Variants in BANF2 observed in about 807,000 individuals in gnomAD.
The protein encoded by BANF2 is barrier-to-autointegration factor-like protein.
Under a neutral mutation model 8.0 loss-of-function variants are expected in BANF2, and 4 were observed. The ratio of observed to expected loss-of-function variants is 0.50; its 90% confidence interval spans 0.25 to 1.14. The LOEUF is 1.14. Ranked by LOEUF, BANF2 falls within the 50% of genes most tolerant of loss-of-function variation. BANF2 has a pLI of 0.16. For missense variants in BANF2, 96 were observed against 107.5 expected (o/e 0.89, Z 0.47); for synonymous variants, 50 against 40.6 (o/e 1.23, Z -0.88).
chr20:17,725,875 G>C (rs965886861), intron 3 of BANF2, among the ~76,000 whole-genome samples: 4 of 152,142 alleles, frequency 2.6e-5, no homozygotes, highest in Non-Finnish European at 5.9e-5. Flanking sequence ...TCTACCAGGC[G>C]GGACAGTGTT....
intron 1 of BANF2, among the ~76,000 whole-genome samples, chr20:17,718,440 G>T (rs954654678): frequency 6.6e-6 from 1 of 152,162 alleles, no homozygotes; most frequent in Non-Finnish European, 1.5e-5. Flanking sequence ...CTCCCGAAGC[G>T]CTGGGATTAC....
At chr20:17,693,807 G>C in intron 1 of BANF2, 2 of 1,325,460 alleles carry the variant, frequency 1.5e-6, no homozygotes, top group Non-Finnish European at 2.1e-6. Context: ...GTGTCCAGTG[G>C]GAGGAGGTGC....
chr20:17,724,998 T>C (rs777355082), intron 2 of BANF2, 25 bp from the exon 3 acceptor site: 6 of 1,598,124 alleles, frequency 3.8e-6, no homozygotes, highest in African/African-American at 1.3e-5. Context: ...CTGCTAATCC[T>C]CCTCTCTCCC....
intron 1 of BANF2, among the ~76,000 whole-genome samples, chr20:17,708,902 C>A (rs778023234): frequency 6.6e-6 from 1 of 152,164 alleles, no homozygotes; most frequent in African/African-American, 2.4e-5. Flanking sequence ...TTTGTCCAAG[C>A]GCATGTTTAC....
intron 3 of BANF2, among the ~76,000 whole-genome samples, 200 bp from the exon 4 acceptor site, chr20:17,735,465 T>C (rs2037963742): frequency 1.3e-5 from 2 of 152,160 alleles, no homozygotes; most frequent in South Asian, 4.1e-4. Context: ...CCCTGAGAGA[T>C]GGGCATTTAA....
intron 1 of BANF2, among the ~76,000 whole-genome samples, chr20:17,693,864 A>C (rs1009205317): frequency 6.6e-6 from 1 of 152,220 alleles, no homozygotes; most frequent in Non-Finnish European, 1.5e-5. Flanking sequence ...TGCAGGCAGC[A>C]CAATGCCCTC....
intron 3 of BANF2, among the ~76,000 whole-genome samples, chr20:17,730,631 C>A (rs961275823): frequency 6.6e-6 from 1 of 152,234 alleles, no homozygotes; most frequent in Non-Finnish European, 1.5e-5. Context: ...CTCCTCCCTC[C>A]GTTACTTCGT....
intron 1 of BANF2, among the ~76,000 whole-genome samples, chr20:17,694,755 AAT>A (rs1410873590): frequency 1.3e-5 from 2 of 151,214 alleles, no homozygotes; most frequent in Non-Finnish European, 2.9e-5. Context: ...AGTAGCTAGA[AAT>A]AGAGGTTCGT....
At chr20:17,713,993 G>A (rs1600219099) in intron 1 of BANF2, among the ~76,000 whole-genome samples, 1 of 151,988 alleles carries the variant, frequency 6.6e-6, no homozygotes, top group African/African-American at 2.4e-5. Flanking sequence ...ATCACCTGCG[G>A]TCAGGAGTTC....
chr20:17,727,134 T>C (rs1158990114), intron 3 of BANF2, among the ~76,000 whole-genome samples: 1 of 152,008 alleles, frequency 6.6e-6, no homozygotes, highest in Non-Finnish European at 1.5e-5. Context: ...AATGGAAAAA[T>C]GTTAGGCATC....
chr20:17,707,386 A>AAAAAAAAAAAAG (rs1351602805), intron 1 of BANF2, among the ~76,000 whole-genome samples: 4 of 151,928 alleles, frequency 2.6e-5, no homozygotes, highest in African/African-American at 7.3e-5. Flanking sequence ...CTGTGTCAAA[A>AAAAAAAAAAAAG]AAAAGAAAAT....
chr20:17,695,655 A>T (rs568653978), upstream of BANF2, among the ~76,000 whole-genome samples: 1 of 152,098 alleles, frequency 6.6e-6, no homozygotes, highest in Non-Finnish European at 1.5e-5. Flanking sequence ...CCACACATAC[A>T]TATATGTGTA....
chr20:17,732,178 C>T (rs999319781), intron 3 of BANF2, among the ~76,000 whole-genome samples: 3 of 152,216 alleles, frequency 2.0e-5, no homozygotes, highest in Admixed American at 6.5e-5. Context: ...TAGCACCAGG[C>T]GCTGTGTGAA....
intron 1 of BANF2, chr20:17,712,172 T>C (rs539298715): frequency 1.3e-5 from 2 of 152,364 alleles, no homozygotes; most frequent in Non-Finnish European, 2.9e-5. Flanking sequence ...GCTATCTTAG[T>C]TTCCACTGCT....
At chr20:17,713,514 A>G (rs1341587997) in intron 1 of BANF2, among the ~76,000 whole-genome samples, 1 of 152,192 alleles carries the variant, frequency 6.6e-6, no homozygotes. Flanking sequence ...TACATTGAAC[A>G]CTACTGCACT....
upstream of BANF2, among the ~76,000 whole-genome samples, chr20:17,699,357 G>A (rs1032209811): frequency 6.6e-6 from 1 of 152,160 alleles, no homozygotes; most frequent in African/African-American, 2.4e-5. Flanking sequence ...ACCAACAATG[G>A]AAAGTAGCCC....
chr20:17,724,063 G>T (rs914101960), intron 2 of BANF2, among the ~76,000 whole-genome samples: 1 of 152,152 alleles, frequency 6.6e-6, no homozygotes, highest in East Asian at 1.9e-4. Flanking sequence ...GGTTTTGCTG[G>T]GATGCAGACC....
At chr20:17,735,559 C>G (rs759655927) in intron 3 of BANF2, 106 bp from the exon 4 acceptor site, 10 of 1,342,762 alleles carry the variant, frequency 7.4e-6, no homozygotes, top group South Asian at 3.9e-5. Context: ...CCTGCTCCCC[C>G]TCCTTTGATT....
intron 3 of BANF2, among the ~76,000 whole-genome samples, chr20:17,734,689 G>T (rs141826180): frequency 6.6e-6 from 1 of 152,188 alleles, no homozygotes; most frequent in African/African-American, 2.4e-5. Flanking sequence ...GGGTGCCACC[G>T]GCATGCGTAG....
Sources: gnomAD v4.1 joint callset for allele counts (sites outside exome capture counted in the v4.1 genomes callset) on GRCh38, gnomAD v4.1.1 for gene constraint, MANE v1.5 for transcripts, NCBI Gene and HGNC (gene_info 2026-07-23, HGNC 2026-07-21) for gene names.